Variants in PTPRD observed in about 807,000 individuals in gnomAD.
PTPRD encodes the protein protein tyrosine phosphatase receptor type D.
A neutral mutation model predicts 214.5 loss-of-function variants in PTPRD; 34 were observed. The observed-to-expected ratio is 0.16, with a 90% CI of 0.12 to 0.21. PTPRD has a LOEUF of 0.21. Ranked by LOEUF, PTPRD falls within the 10% of genes least tolerant of loss-of-function variation. The pLI, the probability that PTPRD is intolerant of heterozygous loss-of-function variation, is 1.00. For synonymous variants in PTPRD, 1,128 were observed against 845.7 expected (o/e 1.33, Z -5.79); for missense variants, 2,545 against 2,398.7 (o/e 1.06, Z -1.27).
At chr9:9,178,106 G>C (rs1429740407) in intron 10 of PTPRD, among the ~76,000 whole-genome samples, 2 of 152,142 alleles carry the variant, frequency 1.3e-5, no homozygotes, top group Middle Eastern at 3.4e-3. Context: ...ATCAATATAA[G>C]GAAGACTTTT....
intron 7 of PTPRD, among the ~76,000 whole-genome samples, chr9:9,671,463 GT>G (rs994177602): frequency 6.6e-5 from 10 of 152,154 alleles, no homozygotes; most frequent in African/African-American, 2.4e-4. Flanking sequence ...TTGGGGGACT[GT>G]TGGGGAGGCA....
At chr9:8,987,354 A>T (rs1216080466) in intron 11 of PTPRD, among the ~76,000 whole-genome samples, 1 of 152,066 alleles carries the variant, frequency 6.6e-6, no homozygotes, top group Non-Finnish European at 1.5e-5. Flanking sequence ...TTTTAACACA[A>T]ATATTTCCAG....
At chr9:9,198,290 A>G (rs1329244172) in intron 9 of PTPRD, among the ~76,000 whole-genome samples, 5 of 152,182 alleles carry the variant, frequency 3.3e-5, no homozygotes, top group Non-Finnish European at 7.3e-5. Flanking sequence ...CATACACCAT[A>G]AAATCAAACC....
intron 10 of PTPRD, among the ~76,000 whole-genome samples, chr9:9,105,557 T>G (rs1220590792): frequency 6.6e-6 from 1 of 152,136 alleles, no homozygotes; most frequent in Admixed American, 6.6e-5. Context: ...TCATTCCAGG[T>G]TACTCCATAA....
At position 10,120,995 on chromosome 9, in the gene PTPRD, A is replaced by G. The variant is rs562517826; in HGVS notation, c.-544-87205T>C. 7.9e-5 allele frequency among the ~76,000 whole-genome samples: 12 copies of G among 152,314 alleles called. No homozygotes were observed. In the East Asian group the frequency reaches 2.3e-3, roughly 29 times the overall value. On this transcript the variant is annotated intron_variant, in intron 3 of 45. Transcript: ENST00000381196. ...AAAATTTATTTATCTTTGATAAAGT[A>G]TAATTATTATTTTTTATTGACTAAA... is the stretch of plus-strand genomic sequence containing the variant.
At chr9:9,587,537 C>A (rs773254807) in intron 7 of PTPRD, among the ~76,000 whole-genome samples, 15 of 144,244 alleles carry the variant, frequency 1.0e-4, no homozygotes, top group Non-Finnish European at 2.2e-4. Context: ...CAATGGCAGC[C>A]CAAAAAAGAC....
intron 34 of PTPRD, among the ~76,000 whole-genome samples, chr9:8,438,093 T>A (rs2095421017): frequency 6.6e-6 from 1 of 152,160 alleles, no homozygotes; most frequent in Admixed American, 6.5e-5. Flanking sequence ...TGTGTTGACA[T>A]TCTGCTGTCA....
rs561874004 is a variant in PTPRD, at chr9:9,207,346, G to A, written c.-202-23983C>T. ...TTAAGTTACACATAGAATTCGGGGT[G>A]CAGATGTTACTTTGAGAGATGTCAG... is the stretch of plus-strand genomic sequence containing the variant. On this transcript the variant is annotated intron_variant, in intron 9 of 45. Transcript: ENST00000381196. Among the ~76,000 whole-genome samples, 4 of 152,238 alleles carry A rather than the reference G, an allele frequency of 2.6e-5. No individual in the cohort carries two copies. In the East Asian group the frequency reaches 7.7e-4, roughly 29 times the overall value.
chr9:9,680,548 G>C (rs1285702882), intron 7 of PTPRD, among the ~76,000 whole-genome samples: 8 of 151,648 alleles, frequency 5.3e-5, no homozygotes, highest in African/African-American at 1.2e-4. Flanking sequence ...ACTTAACAGA[G>C]GTTTATCACA....
At chr9:8,489,627 T>C (rs189314247) in intron 27 of PTPRD, among the ~76,000 whole-genome samples, 2 of 152,288 alleles carry the variant, frequency 1.3e-5, no homozygotes, top group Admixed American at 1.3e-4. Context: ...TCCATAAGCA[T>C]GTGAATAATA....
intron 2 of PTPRD, among the ~76,000 whole-genome samples, chr9:10,527,493 A>G (rs2054667177): frequency 6.6e-6 from 1 of 152,236 alleles, no homozygotes; most frequent in Non-Finnish European, 1.5e-5. Context: ...GAAGAAGACA[A>G]TTCCAAAGAA....
chr9:8,454,810 T>TGTG, intron 33 of PTPRD, among the ~76,000 whole-genome samples: 1 of 98,566 alleles, frequency 1.0e-5, no homozygotes, highest in Non-Finnish European at 1.9e-5. Context: ...ACTGAATACA[T>TGTG]AGTGTGTGTG....
rs372879945 is a variant in PTPRD, at chr9:10,529,253, TAA to T, written c.-600+83143_-600+83144del. Among the ~76,000 whole-genome samples, 48 of 152,222 alleles carry T rather than the reference TAA, an allele frequency of 3.2e-4. No individual in the cohort carries two copies. In the East Asian group the frequency reaches 9.1e-3, roughly 29 times the overall value. On this transcript the variant is annotated intron_variant, in intron 2 of 45. Coordinates refer to ENST00000381196, the MANE Select transcript of PTPRD (RefSeq NM_002839.4). ...CAAAGGATTATAAATCATTCTACTATAAAGACACATTCACACGTATGTTTATT... is the reference window on the plus strand; with the variant it reads ...CAAAGGATTATAAATCATTCTACTATAGACACATTCACACGTATGTTTATT...
At chr9:10,339,002 A>G (rs540468404) in intron 3 of PTPRD, among the ~76,000 whole-genome samples, 1 of 151,814 alleles carries the variant, frequency 6.6e-6, no homozygotes, top group Non-Finnish European at 1.5e-5. Flanking sequence ...GAGCAAGAAC[A>G]AAGTAAATTG....
At chr9:10,577,461 T>C (rs899633874) in intron 2 of PTPRD, among the ~76,000 whole-genome samples, 1 of 152,228 alleles carries the variant, frequency 6.6e-6, no homozygotes, top group Admixed American at 6.5e-5. Context: ...CCAACTGATA[T>C]TGACTGGATC....
chr9:8,523,846 T>G (rs2097942756), intron 18 of PTPRD, among the ~76,000 whole-genome samples: 1 of 152,130 alleles, frequency 6.6e-6, no homozygotes, highest in African/African-American at 2.4e-5. Context: ...GAAATGACTT[T>G]CTTCATATTT....
At chr9:8,506,118 A>G (rs1592255093) in intron 22 of PTPRD, among the ~76,000 whole-genome samples, 1 of 152,378 alleles carries the variant, frequency 6.6e-6, no homozygotes, top group East Asian at 1.9e-4. Context: ...GAAGTTTACA[A>G]GAACATATTA....
At chr9:9,242,227 T>G (rs1594365210) in intron 9 of PTPRD, among the ~76,000 whole-genome samples, 1 of 152,226 alleles carries the variant, frequency 6.6e-6, no homozygotes, top group East Asian at 1.9e-4. Context: ...GTTAGTCTGA[T>G]GGGCTTCCCT....
chr9:10,009,315 G>C (rs1244719172), intron 4 of PTPRD, among the ~76,000 whole-genome samples: 1 of 142,692 alleles, frequency 7.0e-6, no homozygotes, highest in Admixed American at 7.3e-5. Flanking sequence ...TATCCAAGGT[G>C]GTTGGGTTAC....
Sources: allele counts gnomAD v4.1 joint callset (sites outside exome capture counted in the v4.1 genomes callset), GRCh38; gene constraint gnomAD v4.1.1; transcripts MANE v1.5; gene names NCBI Gene and HGNC (gene_info 2026-07-23, HGNC 2026-07-21).